The following DIP2B variants were observed in gnomAD, a reference collection of about 807,000 sequenced individuals.
DIP2B encodes the protein disco-interacting protein 2 homolog B.
Under a neutral mutation model 198.0 loss-of-function variants are expected in DIP2B, and 76 were observed. That is an observed-to-expected ratio of 0.38 (90% CI 0.32 to 0.46). DIP2B has a LOEUF of 0.46. Among genes scored for constraint, DIP2B ranks in the 20% least tolerant of loss-of-function variants. The probability of loss-of-function intolerance (pLI) is 0.99; values close to 1 mark genes in which losing one functional copy is unlikely to be tolerated. For missense variants in DIP2B, 1,559 were observed against 1,978.4 expected (o/e 0.79, Z 4.02); for synonymous variants, 701 against 739.1 (o/e 0.95, Z 0.84).
chr12:50,529,769 G>A (rs1017430436), intron 1 of DIP2B, among the ~76,000 whole-genome samples: 3 of 152,134 alleles, frequency 2.0e-5, no homozygotes, highest in South Asian at 2.1e-4. Flanking sequence ...CAAGGCAGGA[G>A]ACTCGCTTGA....
intron 1 of DIP2B, among the ~76,000 whole-genome samples, chr12:50,532,063 C>T (rs934899292): frequency 6.6e-6 from 1 of 152,108 alleles, no homozygotes; most frequent in Non-Finnish European, 1.5e-5. Flanking sequence ...CTAAGTGCTG[C>T]TGGAGTGATC....
intron 35 of DIP2B, among the ~76,000 whole-genome samples, chr12:50,738,121 C>T (rs1295423820): frequency 6.6e-6 from 1 of 151,872 alleles, no homozygotes; most frequent in African/African-American, 2.4e-5. Flanking sequence ...GCGGGTGAAT[C>T]ACGAGGTCAA....
intron 29 of DIP2B, 51 bp from the exon 30 acceptor site, chr12:50,728,497 T>C: frequency 2.5e-6 from 4 of 1,579,948 alleles, no homozygotes; most frequent in Non-Finnish European, 8.6e-7. Flanking sequence ...GAGCTGTTAC[T>C]CTGCCTGTGG....
intron 3 of DIP2B, among the ~76,000 whole-genome samples, chr12:50,659,015 A>G (rs533634452): frequency 6.6e-6 from 1 of 152,268 alleles, no homozygotes; most frequent in African/African-American, 2.4e-5. Flanking sequence ...TGAACCTGGG[A>G]GGCAGAGGTT....
intron 1 of DIP2B, among the ~76,000 whole-genome samples, chr12:50,574,683 G>A (rs1198858479): frequency 6.6e-6 from 1 of 152,226 alleles, no homozygotes; most frequent in Non-Finnish European, 1.5e-5. Flanking sequence ...ATTCATGCAA[G>A]GAACCCTCAG....
intron 1 of DIP2B, among the ~76,000 whole-genome samples, chr12:50,615,735 C>T (rs1937686918): frequency 6.6e-6 from 1 of 152,178 alleles, no homozygotes; most frequent in African/African-American, 2.4e-5. Flanking sequence ...TCATCATAAA[C>T]ACTCAAGGTA....
intron 1 of DIP2B, among the ~76,000 whole-genome samples, chr12:50,608,546 A>G (rs908320543): frequency 6.6e-6 from 1 of 151,826 alleles, no homozygotes; most frequent in African/African-American, 2.4e-5. Context: ...GAATTGCTTG[A>G]ACCTGGGAGG....
At chr12:50,653,493 C>T (rs1938498756) in intron 3 of DIP2B, among the ~76,000 whole-genome samples, 1 of 151,588 alleles carries the variant, frequency 6.6e-6, no homozygotes, top group African/African-American at 2.4e-5. Context: ...AGCAGACACA[C>T]CCATGCCCAG....
chr12:50,739,017 C>T (rs988637294), intron 35 of DIP2B, among the ~76,000 whole-genome samples: 4 of 152,234 alleles, frequency 2.6e-5, no homozygotes, highest in Non-Finnish European at 5.9e-5. Context: ...CAGAAACGAT[C>T]CCTGATGTGT....
intron 1 of DIP2B, among the ~76,000 whole-genome samples, chr12:50,624,596 T>C (rs575270919): frequency 6.6e-6 from 1 of 152,326 alleles, no homozygotes; most frequent in South Asian, 2.1e-4. Context: ...CCTACTGAAG[T>C]GCTGGGATTA....
rs916663564 is a variant in DIP2B, at chr12:50,566,654, G to T, written c.101-59322G>T. 1.3e-3 allele frequency among the ~76,000 whole-genome samples: 199 copies of T among 151,826 alleles called. 1 individual carries two copies. The highest frequency in any genetic ancestry group is 6.9e-4 in the Non-Finnish European group (47 of 67,960). Reference sequence around the variant, plus strand: ...TCTCTGAGGCTCTGTTAGATTTTTTGATTTCTTTTTCTGTTCTTGAAATTG... The same window carrying T: ...TCTCTGAGGCTCTGTTAGATTTTTTTATTTCTTTTTCTGTTCTTGAAATTG... On this transcript the variant is annotated intron_variant, in intron 1 of 37. Transcript: ENST00000301180.
intron 1 of DIP2B, among the ~76,000 whole-genome samples, chr12:50,554,662 T>C (rs1367890637): frequency 1.3e-5 from 2 of 152,196 alleles, no homozygotes; most frequent in African/African-American, 4.8e-5. Flanking sequence ...CTTTGCTTTG[T>C]GTATTGCATC....
intron 1 of DIP2B, among the ~76,000 whole-genome samples, chr12:50,517,194 C>T (rs899185872): frequency 2.0e-5 from 3 of 152,042 alleles, no homozygotes; most frequent in Non-Finnish European, 4.4e-5. Flanking sequence ...GCTGGGATTA[C>T]AGGCGTGAGC....
chr12:50,703,226 T>TA (rs201658655), intron 19 of DIP2B, among the ~76,000 whole-genome samples: 49 of 149,850 alleles, frequency 3.3e-4, no homozygotes, highest in East Asian at 1.4e-3. Context: ...ATATCTCATT[T>TA]TAAAAAAAAA....
chr12:50,689,796 G>T (rs576170019), intron 12 of DIP2B, among the ~76,000 whole-genome samples: 1 of 152,212 alleles, frequency 6.6e-6, no homozygotes, highest in South Asian at 2.1e-4. Context: ...AAGAGATAAG[G>T]GTGGAGAATA....
chr12:50,612,578 G>A (rs906277823), intron 1 of DIP2B, among the ~76,000 whole-genome samples: 23 of 151,868 alleles, frequency 1.5e-4, no homozygotes, highest in South Asian at 2.1e-4. Context: ...ACAGGTGTGC[G>A]CCACCATGCT....
rs148613902 is a variant in DIP2B at position 50,727,190 on chromosome 12, T to C, written c.3401-513T>C. 8.0e-4 allele frequency among the ~76,000 whole-genome samples: 122 copies of C among 152,322 alleles called. 2 individuals are homozygous for C. The highest frequency in any genetic ancestry group is 2.7e-3 in the African/African-American group (114 of 41,578). ...CTTTTAAATCCATACATGATTAATA[T>C]AACACATACTAAAGTGTAAATAATG... is the stretch of plus-strand genomic sequence containing the variant. On this transcript the variant is annotated intron_variant, in intron 28 of 37. Coordinates refer to ENST00000301180, the MANE Select transcript of DIP2B (RefSeq NM_173602.3).
chr12:50,680,613 T>C (rs1386961544), intron 8 of DIP2B, 59 bp from the exon 9 acceptor site: 14 of 1,486,910 alleles, frequency 9.4e-6, no homozygotes, highest in Non-Finnish European at 1.3e-5. Flanking sequence ...TGTTCTTTCA[T>C]TGAGGTAGAC....
At chr12:50,506,460 T>C (rs1957969399) in intron 1 of DIP2B, among the ~76,000 whole-genome samples, 1 of 152,260 alleles carries the variant, frequency 6.6e-6, no homozygotes, top group African/African-American at 2.4e-5. Context: ...TTGAATGTTA[T>C]AAATCCTGTT....
Sources: allele counts gnomAD v4.1 joint callset (sites outside exome capture counted in the v4.1 genomes callset), GRCh38; gene constraint gnomAD v4.1.1; transcripts MANE v1.5; gene names NCBI Gene and HGNC (gene_info 2026-07-23, HGNC 2026-07-21).